The following FOXJ3 variants were observed in gnomAD, a reference collection of about 807,000 sequenced individuals.
The protein encoded by FOXJ3 is forkhead box protein J3.
A neutral mutation model predicts 76.1 loss-of-function variants in FOXJ3; 22 were observed. The observed-to-expected ratio is 0.29, with a 90% CI of 0.21 to 0.41. The LOEUF (loss-of-function observed/expected upper bound fraction) is 0.41. Among genes scored for constraint, FOXJ3 ranks in the 10% least tolerant of loss-of-function variants. The probability of loss-of-function intolerance (pLI) is 1.00; values close to 1 mark genes in which losing one functional copy is unlikely to be tolerated. For missense variants in FOXJ3, 613 were observed against 762.1 expected, an observed-to-expected ratio of 0.80 and a Z score of 2.30; for synonymous variants, 269 against 261.2, an observed-to-expected ratio of 1.03 and a Z score of -0.29.
chr1:42,324,136 A>T (rs1462279345), intron 1 of FOXJ3, among the ~76,000 whole-genome samples: 3 of 123,770 alleles, frequency 2.4e-5, no homozygotes, highest in South Asian at 5.3e-4. Context: ...GTGTATATAC[A>T]GTATATATAC....
rs937387518 is a variant in FOXJ3 at position 42,247,801 on chromosome 1, G to A, written c.444+17314C>T. ...AAAAACACTGAGTCTATCCTAAAGT[G>A]TATACACAAATACTCACAGCAGCAT... On this transcript the variant is annotated intron_variant, in intron 4 of 12. Coordinates refer to ENST00000361346, the MANE Select transcript of FOXJ3 (RefSeq NM_014947.5). 3.9e-5 allele frequency among the ~76,000 whole-genome samples: 6 copies of A among 152,104 alleles called. 1 individual carries two copies. Among genetic ancestry groups the A allele is most frequent in the Admixed American group, 3.3e-4 (5 of 15,280 alleles).
chr1:42,221,870 T>TG (rs994762604), intron 5 of FOXJ3, among the ~76,000 whole-genome samples: 1 of 139,256 alleles, frequency 7.2e-6, no homozygotes, highest in Non-Finnish European at 1.5e-5. Flanking sequence ...CCCAGTACTT[T>TG]GGGGGGCCAA....
intron 2 of FOXJ3, among the ~76,000 whole-genome samples, chr1:42,293,577 A>C (rs2124711084): frequency 6.6e-6 from 1 of 152,318 alleles, no homozygotes; most frequent in African/African-American, 2.4e-5. Flanking sequence ...AATAGCAAAA[A>C]AAAATTTGTG....
chr1:42,309,040 G>T (rs1654644124), intron 2 of FOXJ3, among the ~76,000 whole-genome samples: 1 of 145,278 alleles, frequency 6.9e-6, no homozygotes, highest in African/African-American at 2.5e-5. Context: ...TGAGAAATAG[G>T]ATAGTCAGCC....
At chr1:42,197,312 T>C (rs1320046502) in intron 7 of FOXJ3, among the ~76,000 whole-genome samples, 1 of 151,992 alleles carries the variant, frequency 6.6e-6, no homozygotes. Context: ...CGAGACCAGT[T>C]TGGCCCACTT....
chr1:42,197,302 C>T (rs375928285), intron 7 of FOXJ3, among the ~76,000 whole-genome samples: 3 of 151,744 alleles, frequency 2.0e-5, no homozygotes, highest in Non-Finnish European at 2.9e-5. Flanking sequence ...GCCAGGAGTT[C>T]GAGACCAGTT....
intron 4 of FOXJ3, among the ~76,000 whole-genome samples, chr1:42,251,706 A>ATTGTTTTTTTTTTTTTTTTTT (rs1650072564): frequency 1.1e-5 from 1 of 87,566 alleles, no homozygotes; most frequent in African/African-American, 4.9e-5. Flanking sequence ...GTTTGCCAGT[A>ATTGTTTTTTTTTTTTTTTTTT]TTTTTTTTTT....
chr1:42,229,816 TTAAAAA>T (rs1647916875), intron 4 of FOXJ3, among the ~76,000 whole-genome samples: 1 of 152,118 alleles, frequency 6.6e-6, no homozygotes, highest in Non-Finnish European at 1.5e-5. Context: ...CTTATAAAAA[TTAAAAA>T]TAAAGTAGCA....
At chr1:42,187,410 G>T (rs1444609511) in intron 11 of FOXJ3, among the ~76,000 whole-genome samples, 23 of 152,086 alleles carry the variant, frequency 1.5e-4, no homozygotes, top group Admixed American at 1.5e-3. Flanking sequence ...AGAAAAAAGG[G>T]ACAAAAAACA....
chr1:42,324,865 T>C (rs1330296655), intron 1 of FOXJ3, among the ~76,000 whole-genome samples: 1 of 152,164 alleles, frequency 6.6e-6, no homozygotes, highest in African/African-American at 2.4e-5. Flanking sequence ...GCCTGGGACA[T>C]TACTGTACAC....
At chr1:42,191,831 T>TCA in intron 8 of FOXJ3, 112 bp from the exon 9 acceptor site, 2 of 1,122,270 alleles carry the variant, frequency 1.8e-6, no homozygotes, top group Non-Finnish European at 2.6e-6. Context: ...CAACACTGGT[T>TCA]CAATTTAATA....
chr1:42,183,133 G>A (rs181974510), intron 11 of FOXJ3, among the ~76,000 whole-genome samples: 3 of 150,642 alleles, frequency 2.0e-5, no homozygotes, highest in Admixed American at 1.3e-4. Flanking sequence ...AGAATTAGCT[G>A]GGTGTGGTGG....
chr1:42,331,330 C>T (rs1298922789), intron 1 of FOXJ3, among the ~76,000 whole-genome samples: 1 of 151,958 alleles, frequency 6.6e-6, no homozygotes, highest in African/African-American at 2.4e-5. Context: ...TGCAGCGAGC[C>T]GAGATGGCGC....
At chr1:42,196,901 C>T (rs1289493035) in intron 7 of FOXJ3, among the ~76,000 whole-genome samples, 2 of 152,118 alleles carry the variant, frequency 1.3e-5, no homozygotes, top group African/African-American at 4.8e-5. Flanking sequence ...TAAATTACTT[C>T]AAAAAGCAAC....
At chr1:42,261,148 A>C (rs1178608698) in intron 4 of FOXJ3, among the ~76,000 whole-genome samples, 7 of 152,142 alleles carry the variant, frequency 4.6e-5, no homozygotes, top group African/African-American at 1.7e-4. Context: ...ATTTACCTTT[A>C]AGATAATTAA....
chr1:42,335,431 G>T (rs1279200779), upstream of FOXJ3: 1 of 152,410 alleles, frequency 6.6e-6, no homozygotes, highest in Admixed American at 6.5e-5. Flanking sequence ...TCATCTAGCG[G>T]CCGGCAGTTC....
intron 5 of FOXJ3, among the ~76,000 whole-genome samples, chr1:42,208,980 G>T (rs1465315644): frequency 6.6e-6 from 1 of 152,182 alleles, no homozygotes; most frequent in Admixed American, 6.5e-5. Context: ...ATAGGTACTT[G>T]AAGTACTGTT....
chr1:42,274,892 G>T (rs774754049), intron 3 of FOXJ3, among the ~76,000 whole-genome samples: 1 of 151,778 alleles, frequency 6.6e-6, no homozygotes, highest in Non-Finnish European at 1.5e-5. Context: ...GCGGCGGGGG[G>T]GCAAAAGAGA....
chr1:42,241,140 T>A (rs773089856), intron 4 of FOXJ3, among the ~76,000 whole-genome samples: 2 of 152,162 alleles, frequency 1.3e-5, no homozygotes, highest in Non-Finnish European at 2.9e-5. Flanking sequence ...CACATTCTCA[T>A]TATGAACATT....
Sources: gnomAD v4.1 joint callset for allele counts (sites outside exome capture counted in the v4.1 genomes callset) on GRCh38, gnomAD v4.1.1 for gene constraint, MANE v1.5 for transcripts, NCBI Gene and HGNC (gene_info 2026-07-23, HGNC 2026-07-21) for gene names.